The following GALNT13 variants were observed in gnomAD, a reference collection of about 807,000 sequenced individuals.
GALNT13 encodes the protein polypeptide N-acetylgalactosaminyltransferase 13.
A neutral mutation model predicts 64.2 loss-of-function variants in GALNT13; 28 were observed. The observed-to-expected ratio is 0.44, with a 90% CI of 0.32 to 0.60. The LOEUF (loss-of-function observed/expected upper bound fraction) is 0.60. Ranked by LOEUF, GALNT13 falls within the 20% of genes least tolerant of loss-of-function variation. The probability of loss-of-function intolerance (pLI) is 0.05; values close to 1 mark genes in which losing one functional copy is unlikely to be tolerated. For synonymous variants in GALNT13, 214 were observed against 224.6 expected, an observed-to-expected ratio of 0.95 and a Z score of 0.42; for missense variants, 577 against 669.8, an observed-to-expected ratio of 0.86 and a Z score of 1.53.
the GALNT13 span, among the ~76,000 whole-genome samples, chr2:153,589,928 A>G: frequency 2.6e-5 from 4 of 152,320 alleles, no homozygotes; most frequent in Middle Eastern, 6.8e-3. Flanking sequence ...AGAAAAATTA[A>G]AAGTCAACAA....
intron 3 of GALNT13, among the ~76,000 whole-genome samples, chr2:153,960,991 A>G (rs186142394): frequency 6.6e-6 from 1 of 152,162 alleles, no homozygotes; most frequent in East Asian, 1.9e-4. Flanking sequence ...TTGAGTTTAG[A>G]TATTATTTTT....
At chr2:153,932,201 G>C (rs1460779172) in intron 2 of GALNT13, among the ~76,000 whole-genome samples, 2 of 151,660 alleles carry the variant, frequency 1.3e-5, no homozygotes, top group Non-Finnish European at 2.9e-5. Flanking sequence ...TCTAACTAGT[G>C]GTTTATTAAT....
At chr2:153,931,066 A>AGTGTGTGTGTGTGT (rs59409947) in intron 2 of GALNT13, among the ~76,000 whole-genome samples, 44 of 138,286 alleles carry the variant, frequency 3.2e-4, no homozygotes, top group East Asian at 2.5e-3. Context: ...TGTATTCCTA[A>AGTGTGTGTGTGTGT]GTGTGTGTGT....
At chr2:153,279,768 C>G in the GALNT13 span, among the ~76,000 whole-genome samples, 3 of 151,836 alleles carry the variant, frequency 2.0e-5, no homozygotes, top group Admixed American at 6.6e-5. Flanking sequence ...TGCTAGCATT[C>G]TGTTGAGAAT....
the GALNT13 span, among the ~76,000 whole-genome samples, chr2:153,544,625 A>G: frequency 2.0e-5 from 3 of 152,316 alleles, no homozygotes; most frequent in South Asian, 6.2e-4. Context: ...TTTTTGTCCA[A>G]TTTAGGTAGG....
At chr2:153,832,205 A>G in the GALNT13 span, among the ~76,000 whole-genome samples, 1 of 152,166 alleles carries the variant, frequency 6.6e-6, no homozygotes. Context: ...GAAAAAATGA[A>G]GAAGGCATAG....
intron 3 of GALNT13, among the ~76,000 whole-genome samples, chr2:153,984,850 T>C (rs1694690890): frequency 6.6e-6 from 1 of 151,988 alleles, no homozygotes; most frequent in Non-Finnish European, 1.5e-5. Flanking sequence ...TCACTGATCT[T>C]ATCTTCTGCA....
intron 4 of GALNT13, among the ~76,000 whole-genome samples, chr2:154,154,375 C>T (rs539209197): frequency 5.2e-4 from 79 of 152,248 alleles, no homozygotes; most frequent in African/African-American, 1.8e-3. Flanking sequence ...AACTATCCAT[C>T]CAAGCTCATT....
the GALNT13 span, among the ~76,000 whole-genome samples, chr2:153,179,727 AT>A: frequency 9.5e-4 from 144 of 152,206 alleles, 1 homozygote; most frequent in African/African-American, 3.2e-3. Context: ...CAATTTTTTC[AT>A]TAACATTTTA....
chr2:154,427,472 T>C (rs1424868188), intron 11 of GALNT13, among the ~76,000 whole-genome samples: 1 of 152,160 alleles, frequency 6.6e-6, no homozygotes, highest in African/African-American at 2.4e-5. Context: ...ATAGTCCTAG[T>C]GATGTGATCA....
At chr2:154,416,635 A>C (rs1163932450) in intron 11 of GALNT13, among the ~76,000 whole-genome samples, 1 of 152,164 alleles carries the variant, frequency 6.6e-6, no homozygotes, top group Non-Finnish European at 1.5e-5. Flanking sequence ...GAAACGTTTC[A>C]CTTTGGCTAG....
chr2:153,694,576 G>C, the GALNT13 span, among the ~76,000 whole-genome samples: 1 of 152,112 alleles, frequency 6.6e-6, no homozygotes, highest in South Asian at 2.1e-4. Flanking sequence ...TATGGTGTTA[G>C]AAATCAGAAT....
the GALNT13 span, among the ~76,000 whole-genome samples, chr2:153,332,534 G>GTTTTT: frequency 9.0e-4 from 122 of 135,968 alleles, no homozygotes; most frequent in Middle Eastern, 3.9e-3. Flanking sequence ...TGAGAGTATT[G>GTTTTT]TTTTTTTTTT....
chr2:154,352,543 A>G (rs1168721770), intron 9 of GALNT13, among the ~76,000 whole-genome samples: 2 of 152,202 alleles, frequency 1.3e-5, no homozygotes, highest in Non-Finnish European at 2.9e-5. Flanking sequence ...CAAAGGAGAA[A>G]TTTGAGGCTC....
chr2:153,438,429 T>C, the GALNT13 span, among the ~76,000 whole-genome samples: 1 of 152,240 alleles, frequency 6.6e-6, no homozygotes, highest in Non-Finnish European at 1.5e-5. Flanking sequence ...GTTTTCCAAC[T>C]TGATTCCATT....
intron 3 of GALNT13, among the ~76,000 whole-genome samples, chr2:154,073,166 G>A (rs2105394543): frequency 6.6e-6 from 1 of 152,146 alleles, no homozygotes; most frequent in East Asian, 1.9e-4. Context: ...CAAAGTAAGT[G>A]TAAACAATAC....
chr2:154,274,872 T>G (rs189557536), intron 8 of GALNT13, among the ~76,000 whole-genome samples: 5 of 152,076 alleles, frequency 3.3e-5, no homozygotes, highest in Admixed American at 2.0e-4. Flanking sequence ...GTGGGAAAGT[T>G]TGGAAGTTCC....
the GALNT13 span, among the ~76,000 whole-genome samples, chr2:153,307,328 T>A: frequency 8.3e-4 from 126 of 152,206 alleles, no homozygotes; most frequent in African/African-American, 2.9e-3. Flanking sequence ...TTATCTTAAA[T>A]TTTTTTGAAA....
At chr2:154,156,000 T>TACATA (rs1468242582) in intron 4 of GALNT13, among the ~76,000 whole-genome samples, 1 of 148,982 alleles carries the variant, frequency 6.7e-6, no homozygotes, top group African/African-American at 2.6e-5. Flanking sequence ...TGTATTGCAT[T>TACATA]TATAGTGTCT....
Sources: allele counts gnomAD v4.1 joint callset (sites outside exome capture counted in the v4.1 genomes callset), GRCh38; gene constraint gnomAD v4.1.1; transcripts MANE v1.5; gene names NCBI Gene and HGNC (gene_info 2026-07-23, HGNC 2026-07-21).